The following HTT-AS variants were observed in gnomAD, a reference collection of about 807,000 sequenced individuals.
HTT-AS encodes HTT antisense RNA.
At chr4:3,067,848 C>T (rs1347990560) in intron 1 of HTT-AS, among the ~76,000 whole-genome samples, 1 of 152,182 alleles carries the variant, frequency 6.6e-6, no homozygotes, top group African/African-American at 2.4e-5. Context: ...ATCTGGCCAA[C>T]AAGCAGACTT....
chr4:3,055,711 C>A (rs184717002), intron 2 of HTT-AS, among the ~76,000 whole-genome samples: 1 of 152,188 alleles, frequency 6.6e-6, no homozygotes, highest in Non-Finnish European at 1.5e-5. Flanking sequence ...ATTGGCTTTA[C>A]GCTCAGCTTC....
chr4:3,047,903 G>T (rs987674584), downstream of HTT-AS, among the ~76,000 whole-genome samples: 1 of 152,224 alleles, frequency 6.6e-6, no homozygotes. Context: ...AAATAATGAC[G>T]TAGGCTGTCT....
chr4:3,066,400 C>T (rs889063085), intron 1 of HTT-AS, among the ~76,000 whole-genome samples: 4 of 152,136 alleles, frequency 2.6e-5, no homozygotes, highest in South Asian at 2.1e-4. Flanking sequence ...GATCTCTTGA[C>T]GTCATGATCT....
At chr4:3,055,100 T>C (rs1711782121) in intron 2 of HTT-AS, among the ~76,000 whole-genome samples, 1 of 151,910 alleles carries the variant, frequency 6.6e-6, no homozygotes. Flanking sequence ...TGTAATCCCA[T>C]CACTTTGGGA....
chr4:3,071,878 C>A (rs951986441), intron 1 of HTT-AS, among the ~76,000 whole-genome samples: 1 of 152,108 alleles, frequency 6.6e-6, no homozygotes, highest in Non-Finnish European at 1.5e-5. Context: ...CTTGCCAACA[C>A]CTTCATCTCG....
At chr4:3,054,383 G>A (rs925877787) in intron 2 of HTT-AS, among the ~76,000 whole-genome samples, 5 of 152,070 alleles carry the variant, frequency 3.3e-5, no homozygotes, top group Non-Finnish European at 7.4e-5. Flanking sequence ...TGCACCAAAA[G>A]TAAAAGATGC....
intron 1 of HTT-AS, among the ~76,000 whole-genome samples, chr4:3,069,544 A>G (rs995143553): frequency 6.6e-6 from 1 of 152,144 alleles, no homozygotes; most frequent in Non-Finnish European, 1.5e-5. Flanking sequence ...GGATATACAG[A>G]AAGACTGACC....
At chr4:3,073,771 G>A (rs541873881) in intron 1 of HTT-AS, among the ~76,000 whole-genome samples, 9 of 152,290 alleles carry the variant, frequency 5.9e-5, no homozygotes, top group Admixed American at 4.6e-4. Flanking sequence ...CCGACCACGC[G>A]CATTCTCTGC....
intron 1 of HTT-AS, among the ~76,000 whole-genome samples, chr4:3,071,839 G>A (rs1168052873): frequency 6.6e-6 from 1 of 152,196 alleles, no homozygotes. Flanking sequence ...CTGTCTGCAA[G>A]TCAAGGACAG....
chr4:3,057,667 C>A (rs6824519), intron 2 of HTT-AS, among the ~76,000 whole-genome samples: 40 of 151,746 alleles, frequency 2.6e-4, no homozygotes, highest in Non-Finnish European at 5.0e-4. Context: ...ACAGAGTCTC[C>A]CTTTGTTGCC....
chr4:3,062,924 T>C (rs1162624185), exon 2 of HTT-AS, among the ~76,000 whole-genome samples: 1 of 152,064 alleles, frequency 6.6e-6, no homozygotes, highest in Non-Finnish European at 1.5e-5. Flanking sequence ...ACAAGTGGGC[T>C]TTAGAGTTCT....
intron 1 of HTT-AS, chr4:3,063,791 C>T (rs951636731): frequency 6.6e-6 from 1 of 152,328 alleles, no homozygotes; most frequent in African/African-American, 2.4e-5. Context: ...CCCACCTCAG[C>T]CTCCCCAAGC....
intron 1 of HTT-AS, chr4:3,069,975 CA>C (rs1451167537): frequency 7.9e-5 from 12 of 152,390 alleles, no homozygotes; most frequent in African/African-American, 2.9e-4. Flanking sequence ...GCGTGCATCC[CA>C]CCTGGTCTCG....
chr4:3,046,723 A>G (rs1711591487), downstream of HTT-AS, among the ~76,000 whole-genome samples: 1 of 151,630 alleles, frequency 6.6e-6, no homozygotes, highest in African/African-American at 2.4e-5. Context: ...CTTATGCTGG[A>G]ACGTCCTGTT....
chr4:3,071,517 A>G (rs1203020597), intron 1 of HTT-AS, among the ~76,000 whole-genome samples: 1 of 152,210 alleles, frequency 6.6e-6, no homozygotes, highest in Admixed American at 6.5e-5. Flanking sequence ...AAGGAAGGAC[A>G]GGGACTGTCA....
intron 2 of HTT-AS, among the ~76,000 whole-genome samples, chr4:3,051,939 T>A (rs1195465162): frequency 6.6e-6 from 1 of 152,174 alleles, no homozygotes; most frequent in Non-Finnish European, 1.5e-5. Context: ...TCTTTGGGAG[T>A]TTGACCTTGT....
intron 1 of HTT-AS, among the ~76,000 whole-genome samples, chr4:3,072,591 G>C (rs553703955): frequency 6.6e-6 from 1 of 152,276 alleles, no homozygotes; most frequent in East Asian, 1.9e-4. Flanking sequence ...TGACACAGTG[G>C]ACAAAGGCCC....
chr4:3,051,626 CTG>C (rs1553907323), intron 2 of HTT-AS, among the ~76,000 whole-genome samples: 1 of 147,718 alleles, frequency 6.8e-6, no homozygotes, highest in Non-Finnish European at 1.5e-5. Flanking sequence ...CTCTCTCTCT[CTG>C]TGTGTTCAAA....
At chr4:3,070,816 T>C (rs145013080) in intron 1 of HTT-AS, among the ~76,000 whole-genome samples, 42 of 152,350 alleles carry the variant, frequency 2.8e-4, no homozygotes, top group African/African-American at 8.4e-4. Flanking sequence ...AGTGTTGCTA[T>C]AATAAATCAT....
Sources: allele counts gnomAD v4.1 joint callset (sites outside exome capture counted in the v4.1 genomes callset), GRCh38; gene constraint gnomAD v4.1.1; transcripts MANE v1.5; gene names NCBI Gene and HGNC (gene_info 2026-07-23, HGNC 2026-07-21).